Variants in PTPRN2 observed in about 807,000 individuals in gnomAD.
The protein encoded by PTPRN2 is receptor-type tyrosine-protein phosphatase N2.
A neutral mutation model predicts 118.8 loss-of-function variants in PTPRN2; 74 were observed. That is an observed-to-expected ratio of 0.62 (90% CI 0.52 to 0.76). The LOEUF (loss-of-function observed/expected upper bound fraction) is 0.76, where lower values mean the gene tolerates loss of function less well. PTPRN2 is among the 30% of genes least tolerant of loss of function. The pLI is 0.00. For missense variants in PTPRN2, 1,481 were observed against 1,394.4 expected (o/e 1.06, Z -0.99); for synonymous variants, 641 against 608.0 (o/e 1.05, Z -0.80).
intron 5 of PTPRN2, among the ~76,000 whole-genome samples, chr7:158,171,280 CA>C (rs1823616589): frequency 1.1e-5 from 1 of 94,614 alleles, no homozygotes. Context: ...TATATACACA[CA>C]TATATATACA....
intron 12 of PTPRN2, among the ~76,000 whole-genome samples, chr7:157,691,862 C>T (rs900410569): frequency 6.6e-6 from 1 of 152,186 alleles, no homozygotes; most frequent in Non-Finnish European, 1.5e-5. Flanking sequence ...TGAGCACCTC[C>T]CCCCCGCGCC....
intron 2 of PTPRN2, among the ~76,000 whole-genome samples, chr7:158,370,678 G>C (rs1320776534): frequency 1.3e-5 from 2 of 151,820 alleles, no homozygotes; most frequent in Non-Finnish European, 2.9e-5. Context: ...CATAAACCCA[G>C]GAGGCGGAGC....
chr7:158,093,919 A>C lies in PTPRN2; in HGVS notation c.1644-12542T>G, dbSNP rs997122675. 1.3e-5 allele frequency among the ~76,000 whole-genome samples: 2 copies of C among 152,204 alleles called. No homozygotes were observed. Among genetic ancestry groups the C allele is most frequent in the African/African-American group, 4.8e-5 (2 of 41,442 alleles). On this transcript the variant is annotated intron_variant, in intron 10 of 22. Coordinates refer to ENST00000389418, the MANE Select transcript of PTPRN2 (RefSeq NM_002847.5). This position sits in a 1 kb window ranked among gnomAD's most constrained non-coding sequence, Gnocchi z 4.4. ...ATCATGCAAGCCTTAATGAAAACAT[A>C]ATTATTAATGATGCTTTATTTTCTT... is the stretch of plus-strand genomic sequence containing the variant.
intron 5 of PTPRN2, among the ~76,000 whole-genome samples, chr7:158,183,427 T>C (rs1824880420): frequency 1.3e-5 from 2 of 152,036 alleles, no homozygotes; most frequent in East Asian, 1.9e-4. Flanking sequence ...TGCTTCCCAC[T>C]CCCCCCTGGG....
chr7:158,340,586 G>C (rs1423025159), intron 2 of PTPRN2, among the ~76,000 whole-genome samples: 1 of 101,768 alleles, frequency 9.8e-6, no homozygotes, highest in East Asian at 3.3e-4. Flanking sequence ...AAGAGCCGAC[G>C]CCCGCAGACA....
intron 13 of PTPRN2, among the ~76,000 whole-genome samples, chr7:157,675,526 G>A (rs1796624834): frequency 1.4e-5 from 1 of 73,230 alleles, no homozygotes; most frequent in Non-Finnish European, 3.2e-5. Context: ...GGAAGTGCAT[G>A]CTTTGCAGAC....
chr7:157,712,119 A>AG (rs1309721944), intron 12 of PTPRN2, among the ~76,000 whole-genome samples: 1 of 5,194 alleles, frequency 1.9e-4, no homozygotes, highest in Admixed American at 2.2e-3. Context: ...GCGTCGTGGA[A>AG]GGGGGGCTGG....
intron 2 of PTPRN2, among the ~76,000 whole-genome samples, chr7:158,333,854 C>A (rs1342619821): frequency 4.1e-5 from 6 of 147,662 alleles, no homozygotes; most frequent in East Asian, 2.1e-4. Context: ...GAGCTGACAC[C>A]CGCAGACGTC....
intron 11 of PTPRN2, among the ~76,000 whole-genome samples, chr7:158,055,900 T>C (rs560432919): frequency 4.6e-5 from 7 of 152,266 alleles, no homozygotes; most frequent in African/African-American, 1.7e-4. Flanking sequence ...TTTATTTCTA[T>C]GATCTCTCGT....
intron 11 of PTPRN2, among the ~76,000 whole-genome samples, chr7:157,961,333 A>G (rs757018710): frequency 2.0e-5 from 3 of 152,102 alleles, no homozygotes; most frequent in Non-Finnish European, 4.4e-5. Context: ...GGAGTTCGAG[A>G]CCAGCCTGGC....
intron 2 of PTPRN2, among the ~76,000 whole-genome samples, chr7:158,418,001 T>G (rs569744816): frequency 1.7e-4 from 26 of 149,728 alleles, no homozygotes; most frequent in African/African-American, 6.0e-4. Flanking sequence ...AGTCACGGTG[T>G]ACTACATCGA....
At chr7:158,522,800 G>C (rs979407357) in intron 1 of PTPRN2, among the ~76,000 whole-genome samples, 1 of 152,200 alleles carries the variant, frequency 6.6e-6, no homozygotes, top group African/African-American at 2.4e-5. Flanking sequence ...TCCTTGTCTT[G>C]AGAGCAGCTC....
At chr7:157,871,073 C>T (rs1013286361) in intron 12 of PTPRN2, among the ~76,000 whole-genome samples, 38 of 152,334 alleles carry the variant, frequency 2.5e-4, no homozygotes, top group African/African-American at 7.9e-4. Context: ...GTAGGGGCCT[C>T]AGGGCTGCCT....
At chr7:157,656,253 G>A (rs570501194) in intron 14 of PTPRN2, 104 bp downstream of exon 14, 14 of 1,222,484 alleles carry the variant, frequency 1.1e-5, no homozygotes, top group African/African-American at 7.6e-5. Context: ...AGCCATCATC[G>A]CCCAGTCCCC....
chr7:157,917,140 A>G (rs1798447813), intron 11 of PTPRN2, among the ~76,000 whole-genome samples: 1 of 151,820 alleles, frequency 6.6e-6, no homozygotes, highest in Non-Finnish European at 1.5e-5. Context: ...GGTCCCCACC[A>G]CGGCAGGGGC....
chr7:158,309,832 C>A (rs7790889), intron 3 of PTPRN2, among the ~76,000 whole-genome samples: 138,770 of 152,226 alleles, frequency 0.91, 63,573 homozygotes, highest in Non-Finnish European at 0.97. Context: ...CCCAAACGTA[C>A]GTGCTGGAAT....
At chr7:157,685,161 G>C (rs1797116832) in intron 12 of PTPRN2, among the ~76,000 whole-genome samples, 3 of 151,924 alleles carry the variant, frequency 2.0e-5, no homozygotes, top group South Asian at 4.1e-4. Flanking sequence ...CGGCGCGACC[G>C]GCGGAGGGGG....
intron 1 of PTPRN2, among the ~76,000 whole-genome samples, chr7:158,585,842 G>A (rs773893133): frequency 2.0e-5 from 3 of 152,184 alleles, no homozygotes; most frequent in Non-Finnish European, 2.9e-5. Context: ...GGTGAAGGGC[G>A]GCACCTGGCC....
intron 2 of PTPRN2, among the ~76,000 whole-genome samples, chr7:158,387,573 G>GCTAAAGCACT (rs376060950): frequency 6.6e-6 from 1 of 152,172 alleles, no homozygotes; most frequent in Admixed American, 6.5e-5. Flanking sequence ...ATCCCTGTCA[G>GCTAAAGCACT]CTCAGCTTGG....
Sources: allele counts gnomAD v4.1 joint callset (sites outside exome capture counted in the v4.1 genomes callset), GRCh38; gene constraint gnomAD v4.1.1; non-coding constraint Gnocchi (gnomAD v3.1); transcripts MANE v1.5; gene names NCBI Gene and HGNC (gene_info 2026-07-23, HGNC 2026-07-21).